FGF12: variants seen among roughly 807,000 people sequenced by gnomAD.
FGF12 encodes the protein fibroblast growth factor 12B.
A neutral mutation model predicts 23.6 loss-of-function variants in FGF12; 14 were observed. The ratio of observed to expected loss-of-function variants is 0.59; its 90% CI spans 0.39 to 0.93. The LOEUF is 0.93. FGF12 is among the 40% of genes least tolerant of loss of function. The pLI is 0.00. For synonymous variants in FGF12, 62 were observed against 77.3 expected (o/e 0.80, Z 1.04); for missense variants, 175 against 217.8 (o/e 0.80, Z 1.24).
At chr3:192,712,084 T>C (rs147600064) in intron 2 of FGF12, among the ~76,000 whole-genome samples, 1 of 150,686 alleles carries the variant, frequency 6.6e-6, no homozygotes, top group African/African-American at 2.4e-5. Context: ...AAATTAAAAA[T>C]CTGATACCAG....
chr3:192,559,429 C>T (rs75699672), intron 2 of FGF12, among the ~76,000 whole-genome samples: 6,205 of 151,814 alleles, frequency 0.041, 402 homozygotes, highest in African/African-American at 0.14. Flanking sequence ...GAGGGGTAAA[C>T]AGGTAGAACA....
At chr3:192,694,701 A>G (rs1387172390) in intron 2 of FGF12, among the ~76,000 whole-genome samples, 1 of 151,862 alleles carries the variant, frequency 6.6e-6, no homozygotes, top group South Asian at 2.1e-4. Flanking sequence ...TACAGCCTTC[A>G]AAAAAGGAGA....
intron 4 of FGF12, among the ~76,000 whole-genome samples, chr3:192,237,049 G>A (rs1719338604): frequency 6.6e-6 from 1 of 152,088 alleles, no homozygotes; most frequent in Non-Finnish European, 1.5e-5. Context: ...TTCCCTTAGT[G>A]TTTGCTTGTC....
At chr3:192,320,582 C>A (rs940055985) in intron 4 of FGF12, among the ~76,000 whole-genome samples, 2 of 151,774 alleles carry the variant, frequency 1.3e-5, no homozygotes, top group African/African-American at 2.4e-5. Flanking sequence ...TTGGAAAATT[C>A]AAAAAAACTG....
At chr3:192,548,390 C>T (rs1478939448) in intron 2 of FGF12, among the ~76,000 whole-genome samples, 1 of 152,082 alleles carries the variant, frequency 6.6e-6, no homozygotes, top group Admixed American at 6.6e-5. Context: ...CAGTTCAATG[C>T]CTTCATTGTA....
intron 4 of FGF12, among the ~76,000 whole-genome samples, chr3:192,213,186 G>C (rs1014371215): frequency 6.6e-6 from 1 of 152,234 alleles, no homozygotes; most frequent in African/African-American, 2.4e-5. Flanking sequence ...AATTGTCCCA[G>C]CAAGCGAGCG....
chr3:192,574,351 G>T (rs934807089), intron 2 of FGF12, among the ~76,000 whole-genome samples: 1 of 152,190 alleles, frequency 6.6e-6, no homozygotes, highest in African/African-American at 2.4e-5. Flanking sequence ...TAAGATGCAA[G>T]AATTTTTAAA....
chr3:192,632,037 G>A (rs1416384954), intron 2 of FGF12, among the ~76,000 whole-genome samples: 11 of 152,122 alleles, frequency 7.2e-5, no homozygotes, highest in Non-Finnish European at 7.4e-5. Flanking sequence ...GGAGAGCAAC[G>A]CAAACAAATT....
intron 4 of FGF12, among the ~76,000 whole-genome samples, chr3:192,206,399 C>G (rs1717651228): frequency 6.6e-6 from 1 of 152,176 alleles, no homozygotes; most frequent in African/African-American, 2.4e-5. Flanking sequence ...ATAATAGAAT[C>G]TACTCAGTAC....
intron 4 of FGF12, chr3:192,268,897 T>C (rs563484043): frequency 6.4e-6 from 1 of 156,522 alleles, no homozygotes; most frequent in East Asian, 1.9e-4. Context: ...ACATTTTTAT[T>C]TTTATTTATT....
At chr3:192,686,749 C>T (rs944215377) in intron 2 of FGF12, among the ~76,000 whole-genome samples, 2 of 149,092 alleles carry the variant, frequency 1.3e-5, no homozygotes, top group African/African-American at 5.0e-5. Flanking sequence ...TGTAACAAAA[C>T]TGCACGTTCT....
chr3:192,148,584 A>T (rs1713855534), intron 5 of FGF12, among the ~76,000 whole-genome samples: 1 of 152,230 alleles, frequency 6.6e-6, no homozygotes, highest in Non-Finnish European at 1.5e-5. Flanking sequence ...ATACTTAAAA[A>T]TGATTAAAAT....
chr3:192,196,240 C>T (rs757662152), intron 4 of FGF12, among the ~76,000 whole-genome samples: 6 of 152,106 alleles, frequency 3.9e-5, no homozygotes, highest in Admixed American at 1.3e-4. Context: ...ATGGAATCAA[C>T]CCAAGTGTTC....
intron 4 of FGF12, among the ~76,000 whole-genome samples, chr3:192,253,365 T>C (rs1016485674): frequency 2.0e-5 from 3 of 151,804 alleles, no homozygotes; most frequent in African/African-American, 7.3e-5. Context: ...TCATGACTCC[T>C]GGCAAGAGTA....
intron 2 of FGF12, 185 bp downstream of exon 2, chr3:192,726,995 GC>G (rs1471601669): frequency 1.4e-6 from 1 of 689,984 alleles, no homozygotes; most frequent in Admixed American, 2.3e-5. Flanking sequence ...TGTCTTCCAA[GC>G]TGTGGGAGTT....
At chr3:192,146,272 A>ATATT (rs746233904) in intron 5 of FGF12, among the ~76,000 whole-genome samples, 45,825 of 143,104 alleles carry the variant, frequency 0.32, 9,426 homozygotes, top group Non-Finnish European at 0.44. Context: ...TAAAGTGTAT[A>ATATT]TTTTTTTTTT....
chr3:192,635,283 T>C (rs1490093320), intron 2 of FGF12, among the ~76,000 whole-genome samples: 2 of 152,212 alleles, frequency 1.3e-5, no homozygotes, highest in Non-Finnish European at 2.9e-5. Flanking sequence ...CGTGTTAGTG[T>C]TTAGAATGTT....
chr3:192,459,898 A>G (rs532661397), intron 2 of FGF12, among the ~76,000 whole-genome samples: 1 of 151,860 alleles, frequency 6.6e-6, no homozygotes, highest in Non-Finnish European at 1.5e-5. Flanking sequence ...AGAGAAGGAG[A>G]CAGAAGGTGA....
At chr3:192,714,513 ATTTTTTTTTTT>A (rs770781442) in intron 2 of FGF12, among the ~76,000 whole-genome samples, 2 of 99,738 alleles carry the variant, frequency 2.0e-5, no homozygotes, top group African/African-American at 8.5e-5. Flanking sequence ...TAAGGAAATA[ATTTTTTTTTTT>A]TTTTTTTTTT....
Sources: gnomAD v4.1 joint callset for allele counts (sites outside exome capture counted in the v4.1 genomes callset) on GRCh38, gnomAD v4.1.1 for gene constraint, MANE v1.5 for transcripts, NCBI Gene and HGNC (gene_info 2026-07-23, HGNC 2026-07-21) for gene names.